HNF1A: variants seen among roughly 807,000 people sequenced by gnomAD.
HNF1A encodes the protein HNF1 homeobox A, also known as hepatocyte nuclear factor 1-alpha.
Under a neutral mutation model 62.2 loss-of-function variants are expected in HNF1A, and 21 were observed. The ratio of observed to expected loss-of-function variants is 0.34; its 90% CI spans 0.24 to 0.49. HNF1A has a LOEUF of 0.49. HNF1A is among the 20% of genes least tolerant of loss of function. The probability of loss-of-function intolerance (pLI) is 0.99; values close to 1 mark genes in which losing one functional copy is unlikely to be tolerated. For synonymous variants in HNF1A, 374 were observed against 366.8 expected, an observed-to-expected ratio of 1.02 and a Z score of -0.22; for missense variants, 687 against 832.3, an observed-to-expected ratio of 0.83 and a Z score of 2.15.
At chr12:120,980,241 C>G (rs543638987) in intron 1 of HNF1A, among the ~76,000 whole-genome samples, 1 of 152,286 alleles carries the variant, frequency 6.6e-6, no homozygotes, top group African/African-American at 2.4e-5. Flanking sequence ...CTGTTCGGTG[C>G]TCTCAATTGC....
chr12:120,996,570 T>C lies in HNF1A; in HGVS notation c.1137T>C (p.Pro379=), dbSNP rs779487845. The C allele has an allele frequency of 1.9e-6, 3 of 1,613,864 alleles. No individual in the cohort carries two copies. The highest frequency in any genetic ancestry group is 2.2e-5 in the East Asian group (1 of 44,874). ...LVSAAGGPLP[P]VSTLTALHSL... ...CAGCAGCTGGGGGCCCCCTCCCCCC[T>C]GTCAGCACCCTGACAGCACTGCACA... Residue 379 remains proline, a synonymous_variant, in exon 6 of 10, where the codon CCT becomes CCC. Coordinates refer to ENST00000257555, the MANE Select transcript of HNF1A (RefSeq NM_000545.8). This position sits in a 1 kb window ranked among gnomAD's most constrained non-coding sequence, Gnocchi z 4.5.
In HNF1A at chr12:120,996,665, T is replaced by G; in HGVS notation, c.1232T>G (p.Val411Gly). Residue 411 changes from valine (V) to glycine (G), a missense_variant, in exon 6 of 10, where the codon GTC becomes GGC. Transcript: ENST00000257555. This position sits in a 1 kb window ranked among gnomAD's most constrained non-coding sequence, Gnocchi z 4.5. ...CTCATCATGGCCTCACTTCCTGGGG[T>G]CATGACCATCGGGCCTGGTGAGCCT... Reference protein sequence around the residue: ...QNLIMASLPGVMTIGPGEPAS... With the variant: ...QNLIMASLPGGMTIGPGEPAS... The G allele has an allele frequency of 6.2e-7, 1 of 1,613,842 alleles. No individual in the cohort carries two copies. Among genetic ancestry groups the G allele is most frequent in the Non-Finnish European group, 8.5e-7 (1 of 1,179,964 alleles).
At position 120,978,925 on chromosome 12, in the gene HNF1A, G is replaced by T; in HGVS notation, c.157G>T (p.Gly53Cys). The T allele has an allele frequency of 6.2e-7, 1 of 1,610,898 alleles. No homozygotes were observed. Among genetic ancestry groups the T allele is most frequent in the Middle Eastern group, 1.7e-4 (1 of 6,050 alleles). ...GGACAAGGGGGAGTCCTGCGGCGGC[G>T]GTCGAGGGGAGCTGGCTGAGCTGCC... ...PLDKGESCGG[G>C]RGELAELPNG... is the part of the protein sequence containing the mutation. The change falls in exon 1 of 10, where the codon GGT (glycine) becomes TGT (cysteine). Residue 53 changes from glycine (G) to cysteine (C), a missense_variant. Coordinates refer to ENST00000257555, the MANE Select transcript of HNF1A (RefSeq NM_000545.8).
intron 4 of HNF1A, 134 bp downstream of exon 4, chr12:120,994,539 T>C (rs1233559453): frequency 1.0e-6 from 1 of 961,050 alleles, no homozygotes; most frequent in Non-Finnish European, 1.5e-6. Flanking sequence ...TCCTTATCAC[T>C]CTACTTCACT....
In HNF1A at chr12:121,002,148, T is replaced by G; in HGVS notation, c.*956T>G. 1 of 509,434 alleles carries G rather than the reference T, an allele frequency of 2.0e-6. No homozygotes were observed. Among genetic ancestry groups the G allele is most frequent in the Non-Finnish European group, 3.8e-6 (1 of 263,588 alleles). 31.6% of individuals were successfully genotyped at this position (509,434 alleles called of 1,614,324 possible). ...GAGCAGCTGAGCAGGGCCGGGGAAC[T>G]GGCCAAGCTGAGGTGCCCAGGAGAA... On this transcript the variant is annotated 3_prime_UTR_variant, in exon 10 of 10. Coordinates refer to ENST00000257555, the MANE Select transcript of HNF1A (RefSeq NM_000545.8).
Position 120,979,103 on chromosome 12 carries a change from C to G in HNF1A, c.326+9C>G. 1 of 1,603,094 alleles carries G rather than the reference C, an allele frequency of 6.2e-7. No homozygotes were observed. The highest frequency in any genetic ancestry group is 8.5e-7 in the Non-Finnish European group (1 of 1,175,140). On this transcript the variant is annotated intron_variant, in intron 1 of 9. Transcript: ENST00000257555. ...GTGGAGACCCTTCTGCAGTAAGGAG[C>G]CCTGCCCCGTCCCCGCTCCCAGGAG...
chr12:120,995,885 C>G (rs1877074545), intron 4 of HNF1A, among the ~76,000 whole-genome samples: 1 of 152,230 alleles, frequency 6.6e-6, no homozygotes, highest in African/African-American at 2.4e-5. Flanking sequence ...TTCCACTCAA[C>G]TCAACCTAAG....
intron 2 of HNF1A, among the ~76,000 whole-genome samples, chr12:120,990,726 A>G (rs1473682084): frequency 5.9e-5 from 9 of 151,984 alleles, no homozygotes; most frequent in Non-Finnish European, 8.8e-5. Flanking sequence ...AAAGAACGAG[A>G]GAAAGAAAGA....
intron 1 of HNF1A, among the ~76,000 whole-genome samples, chr12:120,982,463 G>A (rs1025312828): frequency 2.0e-5 from 3 of 151,758 alleles, no homozygotes; most frequent in African/African-American, 7.3e-5. Context: ...CGGCAGGAGG[G>A]GGGGGGGACA....
chr12:120,993,798 G>A (rs924591787), intron 3 of HNF1A, 92 bp downstream of exon 3: 5 of 1,347,670 alleles, frequency 3.7e-6, no homozygotes, highest in Non-Finnish European at 5.2e-6. Flanking sequence ...GTAAAAGGCT[G>A]TCCAGTTGCC....
intron 2 of HNF1A, among the ~76,000 whole-genome samples, chr12:120,989,289 CT>C (rs913205590): frequency 1.6e-4 from 24 of 151,958 alleles, no homozygotes; most frequent in African/African-American, 5.3e-4. Flanking sequence ...TAGAGTTTTG[CT>C]CTTATTGCCC....
chr12:120,985,962 C>G (rs543469008), intron 1 of HNF1A, among the ~76,000 whole-genome samples: 1 of 151,566 alleles, frequency 6.6e-6, no homozygotes, highest in East Asian at 1.9e-4. Context: ...TCCAGCCTGG[C>G]CACAGAGCAA....
chr12:121,000,037 T>G (rs1877350676), intron 9 of HNF1A, among the ~76,000 whole-genome samples: 1 of 152,242 alleles, frequency 6.6e-6, no homozygotes, highest in Non-Finnish European at 1.5e-5. Flanking sequence ...AATCCAGATT[T>G]CTGGCATCTT....
chr12:121,002,084 TG>T lies in HNF1A; in HGVS notation c.*896del, dbSNP rs886490031. 3.7e-5 allele frequency: 20 copies of T among 535,942 alleles called. No homozygotes were observed. The highest frequency in any genetic ancestry group is 3.0e-4 in the African/African-American group (16 of 54,032). The allele number at this position is 535,942 out of a possible 1,614,324, so 33.2% of individuals were successfully genotyped here. A position where few individuals can be genotyped will look rare whatever the true frequency, so the allele number is the denominator to read the frequency against. ...GCGCCCTGCAGACCCTGCCCTTGTT[TG>T]GGGCAGGAGTAGCTGAGCTCACAAG... On this transcript the variant is annotated 3_prime_UTR_variant, in exon 10 of 10. Coordinates refer to ENST00000257555, the MANE Select transcript of HNF1A (RefSeq NM_000545.8).
chr12:120,990,202 C>A (rs111743556), intron 2 of HNF1A, among the ~76,000 whole-genome samples: 1 of 151,986 alleles, frequency 6.6e-6, no homozygotes, highest in South Asian at 2.1e-4. Flanking sequence ...AGTGCAGTGG[C>A]GTGATCTCGG....
intron 9 of HNF1A, chr12:121,000,625 A>C: frequency 4.3e-6 from 1 of 230,514 alleles, no homozygotes; most frequent in Non-Finnish European, 8.7e-6. Flanking sequence ...TTCTCTGGGA[A>C]ACCGGTTTTT....
intron 6 of HNF1A, 72 bp from the exon 7 acceptor site, chr12:120,997,402 C>G: frequency 6.8e-7 from 1 of 1,481,244 alleles, no homozygotes; most frequent in Non-Finnish European, 9.0e-7. Context: ...AGAGGTGGTG[C>G]CCTTGGGAGG....
chr12:120,989,295 T>C (rs573472308), intron 2 of HNF1A, among the ~76,000 whole-genome samples: 15 of 152,250 alleles, frequency 9.9e-5, no homozygotes, highest in African/African-American at 2.9e-4. Context: ...TTTGCTCTTA[T>C]TGCCCAGGCT....
At chr12:120,979,555 G>A in intron 1 of HNF1A, 1 of 177,006 alleles carries the variant, frequency 5.6e-6, no homozygotes, top group East Asian at 1.4e-4. Context: ...GGGTTTGGGG[G>A]CTTTCCTGGC....
Sources: gnomAD v4.1 joint callset for allele counts (sites outside exome capture counted in the v4.1 genomes callset) on GRCh38, gnomAD v4.1.1 for gene constraint, Gnocchi (gnomAD v3.1) non-coding constraint, MANE v1.5 for transcripts, NCBI Gene and HGNC (gene_info 2026-07-23, HGNC 2026-07-21) for gene names.